CDC45: variants seen among roughly 807,000 people sequenced by gnomAD.
CDC45 encodes the protein cell division cycle 45.
In CDC45, 54 loss-of-function variants were observed where a neutral mutation model predicts 77.8. The ratio of observed to expected loss-of-function variants is 0.69; its 90% CI spans 0.56 to 0.87. CDC45 has a LOEUF of 0.87. CDC45 is among the 40% of genes least tolerant of loss of function. CDC45 has a pLI of 0.00. For synonymous variants in CDC45, 260 were observed against 272.1 expected (o/e 0.96, Z 0.44); for missense variants, 649 against 721.6 (o/e 0.90, Z 1.15).
At chr22:19,487,292 CAA>C (rs754969437) in intron 5 of CDC45, among the ~76,000 whole-genome samples, 24 of 59,524 alleles carry the variant, frequency 4.0e-4, no homozygotes, top group Admixed American at 5.6e-4. Context: ...ACTCTTGTCT[CAA>C]AAAAAAAAAA....
rs767469816 is a variant in CDC45 at position 19,499,091 on chromosome 22, C to G, written c.654-10C>G. ...CTATAGGCCGGCTCCACTGCCTTCT[C>G]TTCTTCCAGGTGGGCCATCGTTGGA... On this transcript the variant is annotated splice_polypyrimidine_tract_variant and intron_variant, in intron 8 of 18. Coordinates refer to ENST00000263201, the MANE Select transcript of CDC45 (RefSeq NM_003504.5). The G allele has an allele frequency of 6.2e-7, 1 of 1,613,988 alleles. No individual in the cohort carries two copies. The highest frequency in any genetic ancestry group is 2.2e-5 in the East Asian group (1 of 44,888).
chr22:19,480,026 C>T lies in CDC45; in HGVS notation c.51+7C>T. ...CGAGGTGGTCCAGAGCCAGGTGACG[C>T]CCAGTCCGGGACCCCCGCCGAGGCC... On this transcript the variant is annotated splice_region_variant and intron_variant, in intron 1 of 18. Transcript: ENST00000263201. 6.2e-7 allele frequency: 1 copy of T among 1,613,946 alleles called. No individual in the cohort carries two copies. Among genetic ancestry groups the T allele is most frequent in the Non-Finnish European group, 8.5e-7 (1 of 1,179,974 alleles).
At chr22:19,514,265 G>A (rs13447275) in intron 13 of CDC45, among the ~76,000 whole-genome samples, 1,812 of 152,332 alleles carry the variant, frequency 0.012, 29 homozygotes, top group Non-Finnish European at 0.018. Flanking sequence ...ACCTTAGCAG[G>A]CAGGAGCCAA....
intron 3 of CDC45, 79 bp from the exon 4 acceptor site, chr22:19,482,611 G>A: frequency 6.8e-7 from 1 of 1,479,360 alleles, no homozygotes; most frequent in Non-Finnish European, 9.3e-7. Flanking sequence ...AGTTTAAGCA[G>A]AACAACTCAG....
intron 15 of CDC45, among the ~76,000 whole-genome samples, chr22:19,516,247 G>A (rs1933779550): frequency 6.6e-6 from 1 of 152,228 alleles, no homozygotes; most frequent in African/African-American, 2.4e-5. Context: ...AGTGGGGCTA[G>A]GCTGGTAGAC....
At chr22:19,500,206 C>A (rs1325608435) in intron 9 of CDC45, among the ~76,000 whole-genome samples, 2 of 152,176 alleles carry the variant, frequency 1.3e-5, no homozygotes, top group Non-Finnish European at 2.9e-5. Context: ...CAGGTGAGGC[C>A]CCCACGGTCA....
intron 10 of CDC45, among the ~76,000 whole-genome samples, chr22:19,506,829 G>T (rs1601969398): frequency 6.6e-6 from 1 of 152,146 alleles, no homozygotes; most frequent in African/African-American, 2.4e-5. Flanking sequence ...AGCTATTCGG[G>T]AGGCTGAGGC....
chr22:19,494,752 G>C (rs2146368219), intron 6 of CDC45: 1 of 699,602 alleles, frequency 1.4e-6, no homozygotes, highest in South Asian at 1.8e-5. Flanking sequence ...TGAGCATGCA[G>C]CAGCGCCCTT....
rs5992411 is a variant in CDC45 at position 19,514,922 on chromosome 22, C to T, written c.1356+35C>T. 2.4e-3 allele frequency: 3,819 copies of T among 1,614,250 alleles called. 65 individuals carry two copies. In the African/African-American group the frequency reaches 0.043, roughly 18 times the overall value. On this transcript the variant is annotated intron_variant, in intron 14 of 18. Coordinates refer to ENST00000263201, the MANE Select transcript of CDC45 (RefSeq NM_003504.5). ...CCCACAGAGCACAGGCGCCTGGTCA[C>T]AGCACCAGTGGCTTCGTCTGACCAT...
intron 17 of CDC45, among the ~76,000 whole-genome samples, chr22:19,518,134 C>T (rs1933903433): frequency 6.6e-6 from 1 of 152,220 alleles, no homozygotes; most frequent in Admixed American, 6.5e-5. Flanking sequence ...GGTGGATGGA[C>T]ACCCACTGGC....
rs1337073064 is a variant in CDC45 at position 19,516,615 on chromosome 22, C to T, written c.1529C>T (p.Pro510Leu). ...GGCACAGTGACCGTGGTGGGCATCC[C>T]CCCAGAGACCGACAGCTCGGACAGG... ...EHGTVTVVGI[P>L]PETDSSDRKN... The change falls in exon 16 of 19, where the codon CCC becomes CTC. Residue 510 changes from proline to leucine, a missense_variant. Pro to Leu is a moderately conservative substitution (Grantham distance 98, BLOSUM62 -3). Coordinates refer to ENST00000263201, the MANE Select transcript of CDC45 (RefSeq NM_003504.5). 3.1e-6 allele frequency: 5 copies of T among 1,613,900 alleles called. No individual in the cohort carries two copies. The African/African-American group carries it at 4.0e-5, about 13-fold the overall frequency.
chr22:19,479,485 C>A, upstream of CDC45: 1 of 606,326 alleles, frequency 1.6e-6, no homozygotes. Flanking sequence ...CTGCTTCAGC[C>A]ATCGAGGACT....
chr22:19,501,874 C>T (rs982618577), intron 9 of CDC45, among the ~76,000 whole-genome samples: 18 of 152,128 alleles, frequency 1.2e-4, no homozygotes, highest in Non-Finnish European at 2.6e-4. Context: ...GTCGCCATGC[C>T]TGGCTAATTT....
At chr22:19,491,648 C>G (rs995053248) in intron 5 of CDC45, among the ~76,000 whole-genome samples, 1 of 151,776 alleles carries the variant, frequency 6.6e-6, no homozygotes, top group Non-Finnish European at 1.5e-5. Context: ...TTTGAGTGTT[C>G]AGAAGTTTAA....
chr22:19,488,008 G>C (rs1460485694), intron 5 of CDC45, among the ~76,000 whole-genome samples: 1 of 151,658 alleles, frequency 6.6e-6, no homozygotes, highest in Non-Finnish European at 1.5e-5. Context: ...TTGGATGTTA[G>C]AGCTGGACCC....
rs776343481 is a variant in CDC45, at chr22:19,495,993, CTT to C, written c.557_558del (p.Phe186Ter). On this transcript the variant is annotated frameshift_variant, in exon 7 of 19. Transcript: ENST00000263201. LOFTEE classifies it high-confidence loss of function. ...EWEARRRDIL[F>X]DYEQYEYHGT... ...TATGTCATTACAGAAGAGACATCCT[CTT>C]TGACTACGAGCAGTATGAATATCAT... is the stretch of plus-strand genomic sequence containing the variant. 2 of 1,611,824 alleles carry C rather than the reference CTT, an allele frequency of 1.2e-6. No individual in the cohort carries two copies. Among genetic ancestry groups the C allele is most frequent in the Non-Finnish European group, 1.7e-6 (2 of 1,177,954 alleles).
intron 15 of CDC45, 122 bp downstream of exon 15, chr22:19,515,170 A>G: frequency 1.3e-6 from 1 of 791,764 alleles, no homozygotes; most frequent in Non-Finnish European, 2.0e-6. Flanking sequence ...AGGTCTAGGC[A>G]CATCCATTAC....
In CDC45 at chr22:19,505,507, G is replaced by A. The variant is rs1369428600; in HGVS notation, c.824+26G>A. The A allele has an allele frequency of 4.3e-6, 7 of 1,611,442 alleles. No homozygotes were observed. In the East Asian group the frequency reaches 1.6e-4, roughly 36 times the overall value. On this transcript the variant is annotated intron_variant, in intron 10 of 18. Transcript: ENST00000263201. ...GTATCCTTGTGGCCCAGCCTGAGGG[G>A]CACAGGCAGCACCCCTGCTCAGCAG...
intron 5 of CDC45, among the ~76,000 whole-genome samples, chr22:19,489,392 A>G (rs1485938220): frequency 6.6e-6 from 1 of 151,616 alleles, no homozygotes; most frequent in Non-Finnish European, 1.5e-5. Context: ...TTGCCCTTTT[A>G]TAGCCACACC....
Sources: gnomAD v4.1 joint callset for allele counts (sites outside exome capture counted in the v4.1 genomes callset) on GRCh38, gnomAD v4.1.1 for gene constraint, MANE v1.5 for transcripts, NCBI Gene and HGNC (gene_info 2026-07-23, HGNC 2026-07-21) for gene names.